The following APCDD1L variants were observed in gnomAD, a reference collection of about 807,000 sequenced individuals.
The protein encoded by APCDD1L is protein APCDD1-like.
In APCDD1L, 21 loss-of-function variants were observed where a neutral mutation model predicts 24.2. That is an observed-to-expected ratio of 0.87 (90% CI 0.61 to 1.25). The LOEUF (loss-of-function observed/expected upper bound fraction) is 1.25, where lower values mean the gene tolerates loss of function less well. Among genes scored for constraint, APCDD1L ranks in the 50% most tolerant of loss-of-function variants. The probability of loss-of-function intolerance (pLI) is 0.00; values close to 1 mark genes in which losing one functional copy is unlikely to be tolerated. For synonymous variants in APCDD1L, 321 were observed against 323.6 expected (o/e 0.99, Z 0.09); for missense variants, 704 against 711.7 (o/e 0.99, Z 0.12).
chr20:58,513,717 C>T (rs568741362), intron 1 of APCDD1L: 65 of 448,304 alleles, frequency 1.4e-4, no homozygotes, highest in African/African-American at 1.3e-3. Context: ...TGCACGTGCT[C>T]TCGTAATCTT....
At chr20:58,475,963 T>A (rs1338075828) in intron 1 of APCDD1L, among the ~76,000 whole-genome samples, 3 of 152,100 alleles carry the variant, frequency 2.0e-5, no homozygotes, top group African/African-American at 7.2e-5. Context: ...CCCACCCTAA[T>A]CCTAATCCAG....
intron 1 of APCDD1L, among the ~76,000 whole-genome samples, chr20:58,476,609 C>T (rs1008797121): frequency 2.0e-5 from 3 of 152,240 alleles, no homozygotes; most frequent in African/African-American, 7.2e-5. Flanking sequence ...ATCAAATAGA[C>T]TCACATCAGA....
chr20:58,463,281 G>A (rs922582780), intron 3 of APCDD1L, among the ~76,000 whole-genome samples: 4 of 152,014 alleles, frequency 2.6e-5, no homozygotes, highest in East Asian at 1.9e-4. Flanking sequence ...AGGGAAAACC[G>A]GCCACACTCG....
chr20:58,467,513 G>A lies in APCDD1L; in HGVS notation c.334C>T (p.Leu112=). 2.5e-6 allele frequency: 4 copies of A among 1,599,776 alleles called. No homozygotes were observed. Among genetic ancestry groups the A allele is most frequent in the Non-Finnish European group, 3.4e-6 (4 of 1,173,154 alleles). ...HSLLVKGKVR[L]RRASWVTRGA... ...CGGGTGACCCAGGAGGCCCGGCGCA[G>A]GCGGACTTTGCCCTTGACGAGCAGC... Residue 112 remains leucine (L), a synonymous_variant, in exon 3 of 4, where the codon CTG becomes TTG. Coordinates refer to ENST00000371149, the MANE Select transcript of APCDD1L (RefSeq NM_153360.3). The surrounding 1 kb of genome is among the most constrained non-coding windows in gnomAD (Gnocchi z 5.9).
intron 1 of APCDD1L, among the ~76,000 whole-genome samples, chr20:58,495,517 C>T (rs1003135972): frequency 4.6e-5 from 7 of 152,236 alleles, no homozygotes; most frequent in Admixed American, 2.0e-4. Flanking sequence ...GCTCTTCAAC[C>T]CCCCTGTGCC....
In APCDD1L at chr20:58,508,993, C is replaced by CGTGTGTGT. The variant is rs149764499; in HGVS notation, c.49+5658_49+5665dup. Among the ~76,000 whole-genome samples, 123 of 149,424 alleles carry CGTGTGTGT rather than the reference C, an allele frequency of 8.2e-4. No homozygotes were observed. Among genetic ancestry groups the CGTGTGTGT allele is most frequent in the South Asian group, 6.5e-3 (30 of 4,630 alleles). Reference sequence around the variant, plus strand: ...GCGCACGTGTGTGTGCATGTGCATGCGTGTGTGTGTGTGTGTGTGTGTGTG... The same window carrying CGTGTGTGT: ...GCGCACGTGTGTGTGCATGTGCATGCGTGTGTGTGTGTGTGTGTGTGTGTGTGTGTGTG... On this transcript the variant is annotated intron_variant, in intron 1 of 3. Transcript: ENST00000371149. This position sits in a 1 kb window ranked among gnomAD's most constrained non-coding sequence, Gnocchi z 4.0.
At chr20:58,482,688 C>G (rs1028894604) in intron 1 of APCDD1L, among the ~76,000 whole-genome samples, 10 of 152,304 alleles carry the variant, frequency 6.6e-5, no homozygotes, top group African/African-American at 2.4e-4. Context: ...ATTCATGGAT[C>G]TGCTCGACCC....
intron 1 of APCDD1L, among the ~76,000 whole-genome samples, chr20:58,487,737 A>C (rs1333032190): frequency 2.0e-5 from 3 of 152,230 alleles, no homozygotes; most frequent in Non-Finnish European, 2.9e-5. Context: ...GTCACTCCAC[A>C]AAAGGTCCAA....
Position 58,467,169 on chromosome 20 carries a change from G to C in APCDD1L, c.678C>G (p.Thr226=). The C allele has an allele frequency of 6.2e-7, 1 of 1,607,484 alleles. No individual in the cohort carries two copies. Among genetic ancestry groups the C allele is most frequent in the Non-Finnish European group, 8.5e-7 (1 of 1,179,526 alleles). Reference sequence around the variant, plus strand: ...GGTAGTGCCGCCTCTCCGCCGGGTCGGTGTGGATGTCCCCCAGGTACAGCT... The same window carrying C: ...GGTAGTGCCGCCTCTCCGCCGGGTCCGTGTGGATGTCCCCCAGGTACAGCT... ...VEELYLGDIH[T]DPAERRHYRP... The change falls in exon 3 of 4, where the codon ACC becomes ACG. Residue 226 remains threonine (T), a synonymous_variant. Transcript: ENST00000371149. The surrounding 1 kb of genome is among the most constrained non-coding windows in gnomAD (Gnocchi z 5.9).
chr20:58,479,593 CT>C (rs10580833), intron 1 of APCDD1L, among the ~76,000 whole-genome samples: 13,370 of 125,350 alleles, frequency 0.11, 469 homozygotes, highest in African/African-American at 0.16. Flanking sequence ...TTAAGATTTG[CT>C]TTTTTTTTTT....
chr20:58,485,069 A>G (rs1990097179), intron 1 of APCDD1L, among the ~76,000 whole-genome samples: 1 of 152,218 alleles, frequency 6.6e-6, no homozygotes, highest in Non-Finnish European at 1.5e-5. Context: ...GGAAAAGACA[A>G]AATAGTATTC....
intron 1 of APCDD1L, among the ~76,000 whole-genome samples, chr20:58,480,595 A>G (rs1433947285): frequency 1.3e-5 from 2 of 152,158 alleles, no homozygotes; most frequent in Admixed American, 1.3e-4. Context: ...GCGGCTGGCC[A>G]CTGAGGATAA....
intron 1 of APCDD1L, among the ~76,000 whole-genome samples, chr20:58,505,131 TC>T (rs1463776477): frequency 6.6e-6 from 1 of 152,232 alleles, no homozygotes; most frequent in African/African-American, 2.4e-5. Context: ...TCATATGTTT[TC>T]TTTTTTTTAT....
At chr20:58,514,227 C>T (rs1367421302) in intron 1 of APCDD1L, among the ~76,000 whole-genome samples, 1 of 152,186 alleles carries the variant, frequency 6.6e-6, no homozygotes, top group Non-Finnish European at 1.5e-5. Flanking sequence ...GCCCCGACCC[C>T]GCACAGGTCA....
rs1335065308 is a variant in APCDD1L at position 58,494,779 on chromosome 20, T to C, written c.49+19880A>G. On this transcript the variant is annotated intron_variant, in intron 1 of 3. Coordinates refer to ENST00000371149, the MANE Select transcript of APCDD1L (RefSeq NM_153360.3). This position sits in a 1 kb window ranked among gnomAD's most constrained non-coding sequence, Gnocchi z 4.8. ...CCCCGTACTTTGCCTGTGATTCCTG[T>C]CTCACGATCATCTCCTGGCATTCTG... Among the ~76,000 whole-genome samples the C allele has an allele frequency of 2.0e-5, 3 of 152,164 alleles. No individual in the cohort carries two copies. The highest frequency in any genetic ancestry group is 4.8e-5 in the African/African-American group (2 of 41,428).
intron 1 of APCDD1L, among the ~76,000 whole-genome samples, chr20:58,504,253 A>G (rs945775163): frequency 8.5e-5 from 13 of 152,166 alleles, no homozygotes; most frequent in East Asian, 1.9e-4. Context: ...AAAGGATCCA[A>G]TCTTCCCTGG....
chr20:58,462,939 C>G (rs1568733038), intron 3 of APCDD1L, among the ~76,000 whole-genome samples: 1 of 151,152 alleles, frequency 6.6e-6, no homozygotes, highest in Non-Finnish European at 1.5e-5. Flanking sequence ...GTCAGGAGAT[C>G]AAGACCATCC....
chr20:58,507,995 A>G (rs1003535698), intron 1 of APCDD1L, among the ~76,000 whole-genome samples: 5 of 152,248 alleles, frequency 3.3e-5, no homozygotes. Context: ...GTTAGTGAAG[A>G]TGTAAGAAAT....
At chr20:58,481,119 C>G (rs1159109820) in intron 1 of APCDD1L, among the ~76,000 whole-genome samples, 1 of 152,200 alleles carries the variant, frequency 6.6e-6, no homozygotes, top group African/African-American at 2.4e-5. Flanking sequence ...TGTAGCATCA[C>G]TGCGTAGAAG....
Sources: allele counts gnomAD v4.1 joint callset (sites outside exome capture counted in the v4.1 genomes callset), GRCh38; gene constraint gnomAD v4.1.1; non-coding constraint Gnocchi (gnomAD v3.1); transcripts MANE v1.5; gene names NCBI Gene and HGNC (gene_info 2026-07-23, HGNC 2026-07-21).